Variants in KCNK1 observed in about 807,000 individuals in gnomAD.
KCNK1 encodes the protein potassium channel subfamily K member 1.
In KCNK1, 10 loss-of-function variants were observed where a neutral mutation model predicts 22.2. The observed-to-expected ratio is 0.45, with a 90% CI of 0.28 to 0.76. The LOEUF is 0.76. KCNK1 is among the 30% of genes least tolerant of loss of function. KCNK1 has a pLI of 0.14. For synonymous variants in KCNK1, 200 were observed against 186.4 expected, an observed-to-expected ratio of 1.07 and a Z score of -0.60; for missense variants, 378 against 421.0, an observed-to-expected ratio of 0.90 and a Z score of 0.89.
chr1:233,628,299 G>C (rs1376852438), intron 1 of KCNK1, among the ~76,000 whole-genome samples: 1 of 152,196 alleles, frequency 6.6e-6, no homozygotes. Flanking sequence ...ATCCAGAAGA[G>C]GGAAGGATGG....
In KCNK1 at chr1:233,621,078, T is replaced by C. The variant is rs76486286; in HGVS notation, c.355+6552T>C. Among the ~76,000 whole-genome samples the C allele has an allele frequency of 5.3e-3, 801 of 152,322 alleles. 36 individuals carry two copies. In the East Asian group the frequency reaches 0.11, roughly 20 times the overall value. On this transcript the variant is annotated intron_variant, in intron 1 of 2. Coordinates refer to ENST00000366621, the MANE Select transcript of KCNK1 (RefSeq NM_002245.4). Reference sequence around the variant, plus strand: ...GCAGTTATGTCTAAGAACCTGAGCTTTAATAGCATCTGGGCATCAGACCTT... The same window carrying C: ...GCAGTTATGTCTAAGAACCTGAGCTCTAATAGCATCTGGGCATCAGACCTT...
intron 1 of KCNK1, among the ~76,000 whole-genome samples, chr1:233,656,483 T>C: frequency 6.6e-6 from 1 of 152,226 alleles, no homozygotes; most frequent in Non-Finnish European, 1.5e-5. Context: ...ATTATGTTTT[T>C]TGGAGCAATG....
intron 1 of KCNK1, among the ~76,000 whole-genome samples, chr1:233,663,739 C>A (rs1435884018): frequency 6.6e-6 from 1 of 152,120 alleles, no homozygotes; most frequent in Non-Finnish European, 1.5e-5. Context: ...TTCTGTTTGA[C>A]CTTCTGGTCA....
Position 233,626,532 on chromosome 1 carries a change from G to A in KCNK1, c.355+12006G>A, listed in dbSNP as rs183167696. ...GATGTCATGTTGTATCACACACATC[G>A]ATTAACTCACTGCAGAGGCTGAAGA... is the stretch of plus-strand genomic sequence containing the variant. On this transcript the variant is annotated intron_variant, in intron 1 of 2. Transcript: ENST00000366621. Among the ~76,000 whole-genome samples, 343 of 152,216 alleles carry A rather than the reference G, an allele frequency of 2.3e-3. 3 individuals carry two copies. Among genetic ancestry groups the A allele is most frequent in the African/African-American group, 6.6e-3 (276 of 41,512 alleles).
intron 1 of KCNK1, among the ~76,000 whole-genome samples, chr1:233,614,888 A>G (rs1458455473): frequency 6.6e-6 from 1 of 152,054 alleles, no homozygotes; most frequent in East Asian, 1.9e-4. Flanking sequence ...GCAACCCACT[A>G]AGCCAAACTG....
intron 1 of KCNK1, among the ~76,000 whole-genome samples, chr1:233,620,485 T>C (rs2102881439): frequency 6.6e-6 from 1 of 152,364 alleles, no homozygotes; most frequent in Non-Finnish European, 1.5e-5. Context: ...TGCCACTTAC[T>C]TGTGATCCAA....
chr1:233,632,298 C>T (rs1657813369), intron 1 of KCNK1, among the ~76,000 whole-genome samples: 2 of 151,896 alleles, frequency 1.3e-5, no homozygotes, highest in Admixed American at 1.3e-4. Flanking sequence ...TTTTTTTTCT[C>T]CCTAAAAATG....
Position 233,619,331 on chromosome 1 carries a change from G to C in KCNK1, c.355+4805G>C, listed in dbSNP as rs2102880674. Among the ~76,000 whole-genome samples, 3 of 152,152 alleles carry C rather than the reference G, an allele frequency of 2.0e-5. No individual in the cohort carries two copies. The Middle Eastern group carries it at 0.01, about 518-fold the overall frequency. ...GCCACCATGCCTGGCCCCTGTTCCTGCCATTGGTAACCCTGGTGCCTTTAG... is the reference window on the plus strand; with the variant it reads ...GCCACCATGCCTGGCCCCTGTTCCTCCCATTGGTAACCCTGGTGCCTTTAG... On this transcript the variant is annotated intron_variant, in intron 1 of 2. Coordinates refer to ENST00000366621, the MANE Select transcript of KCNK1 (RefSeq NM_002245.4).
Position 233,672,328 on chromosome 1 carries a change from C to T in KCNK1, c.*798C>T, listed in dbSNP as rs1658615428. The T allele has an allele frequency of 1.3e-5, 2 of 151,748 alleles. No individual in the cohort carries two copies. The highest frequency in any genetic ancestry group is 2.9e-5 in the Non-Finnish European group (2 of 67,898). The allele number at this position is 151,748 out of a possible 1,614,324, so 9.4% of individuals were successfully genotyped here. A position where few individuals can be genotyped will look rare whatever the true frequency, so the allele number is the denominator to read the frequency against. On this transcript the variant is annotated 3_prime_UTR_variant, in exon 3 of 3. Coordinates refer to ENST00000366621, the MANE Select transcript of KCNK1 (RefSeq NM_002245.4). ...TTTATAAACATTTTTTTGAATTGAA[C>T]AGGTTATGAAAAGGATTTATTAAAA...
At chr1:233,646,562 G>A (rs1658097133) in intron 1 of KCNK1, among the ~76,000 whole-genome samples, 1 of 150,766 alleles carries the variant, frequency 6.6e-6, no homozygotes, top group Non-Finnish European at 1.5e-5. Context: ...TATTATTTTG[G>A]TAGGCCATGA....
intron 1 of KCNK1, among the ~76,000 whole-genome samples, chr1:233,641,134 G>C (rs1343093670): frequency 6.6e-6 from 1 of 152,198 alleles, no homozygotes; most frequent in East Asian, 1.9e-4. Context: ...GCACAAACAA[G>C]CCGGAAGACT....
Position 233,648,403 on chromosome 1 carries a change from A to T in KCNK1, c.356-18192A>T, listed in dbSNP as rs892907233. 2.0e-5 allele frequency among the ~76,000 whole-genome samples: 3 copies of T among 152,196 alleles called. No homozygotes were observed. The East Asian group carries it at 5.8e-4, about 29-fold the overall frequency. The stretch of plus-strand genomic sequence containing the variant: ...AGCTGTCAACTGTCTGAATCCTGCC[A>T]TCCTTGTTTCATCCATCCCACATAC... On this transcript the variant is annotated intron_variant, in intron 1 of 2. Coordinates refer to ENST00000366621, the MANE Select transcript of KCNK1 (RefSeq NM_002245.4).
At chr1:233,646,246 A>G (rs775389953) in intron 1 of KCNK1, among the ~76,000 whole-genome samples, 32 of 152,206 alleles carry the variant, frequency 2.1e-4, no homozygotes, top group Non-Finnish European at 3.5e-4. Flanking sequence ...CCTTAGCTCT[A>G]TAATGGAGTC....
chr1:233,633,930 G>A (rs561751713), intron 1 of KCNK1, among the ~76,000 whole-genome samples: 2 of 152,214 alleles, frequency 1.3e-5, no homozygotes, highest in South Asian at 2.1e-4. Context: ...TAATAGCTGG[G>A]TACAAAAAAA....
At chr1:233,631,466 G>GTA (rs1295269881) in intron 1 of KCNK1, 2 of 365,094 alleles carry the variant, frequency 5.5e-6, no homozygotes, top group African/African-American at 4.3e-5. Flanking sequence ...TTGTGCCCTG[G>GTA]TATCTTGAAG....
Position 233,662,238 on chromosome 1 carries a change from C to CCTTCTT in KCNK1, c.356-4327_356-4322dup, listed in dbSNP as rs147341553. Among the ~76,000 whole-genome samples, 339 of 149,568 alleles carry CCTTCTT rather than the reference C, an allele frequency of 2.3e-3. 2 individuals are homozygous for CCTTCTT. The highest frequency in any genetic ancestry group is 7.1e-3 in the African/African-American group (288 of 40,552). The stretch of plus-strand genomic sequence containing the variant: ...TGCTGCTGCTGCTTCTTCTTCTTCT[C>CCTTCTT]CTTCTTCTTCTTCTTCTTCTTCTTC... On this transcript the variant is annotated intron_variant, in intron 1 of 2. Transcript: ENST00000366621.
chr1:233,614,352 C>T lies in KCNK1; in HGVS notation c.181C>T (p.Arg61Ter), dbSNP rs1446484703. Residue 61 changes from arginine to a stop codon, truncating the protein, a stop_gained, in exon 1 of 3, where the codon CGA (arginine) becomes TGA (stop). Coordinates refer to ENST00000366621, the MANE Select transcript of KCNK1 (RefSeq NM_002245.4). LOFTEE classifies it high-confidence loss of function. The stretch of plus-strand genomic sequence containing the variant: ...GCGCCAGGAGCTGCGCAAGCTGAAG[C>T]GACGCTTCTTGGAGGAGCACGAGTG... ...LLRQELRKLK[R>*]RFLEEHECLS... The T allele has an allele frequency of 1.2e-6, 2 of 1,611,284 alleles. No individual in the cohort carries two copies. Among genetic ancestry groups the T allele is most frequent in the Admixed American group, 1.7e-5 (1 of 59,748 alleles).
intron 1 of KCNK1, among the ~76,000 whole-genome samples, chr1:233,627,011 A>AT (rs144848925): frequency 0.036 from 5,484 of 150,882 alleles, 196 homozygotes; most frequent in East Asian, 0.2. Context: ...GTAAAACATG[A>AT]TTTTTTTTTT....
chr1:233,645,637 T>A (rs1037344527), intron 1 of KCNK1, among the ~76,000 whole-genome samples: 7 of 152,218 alleles, frequency 4.6e-5, no homozygotes, highest in African/African-American at 1.7e-4. Context: ...GCAGAAATTT[T>A]GAGACAATAC....
Sources: allele counts gnomAD v4.1 joint callset (sites outside exome capture counted in the v4.1 genomes callset), GRCh38; gene constraint gnomAD v4.1.1; transcripts MANE v1.5; gene names NCBI Gene and HGNC (gene_info 2026-07-23, HGNC 2026-07-21).